Variants in MYO9B observed in about 807,000 individuals in gnomAD.
The protein encoded by MYO9B is myosin IXB, also known as unconventional myosin-IXb.
In MYO9B, 71 loss-of-function variants were observed where a neutral mutation model predicts 229.5. The observed-to-expected ratio is 0.31, with a 90% CI of 0.26 to 0.38. The LOEUF (loss-of-function observed/expected upper bound fraction) is 0.38, where lower values mean the gene tolerates loss of function less well. Among genes scored for constraint, MYO9B ranks in the 10% least tolerant of loss-of-function variants. MYO9B has a pLI of 1.00. For synonymous variants in MYO9B, 1,185 were observed against 1,235.8 expected (o/e 0.96, Z 0.86); for missense variants, 2,255 against 2,920.5 (o/e 0.77, Z 5.25).
At position 17,101,974 on chromosome 19, in the gene MYO9B, A is replaced by G; in HGVS notation, c.257A>G (p.His86Arg). 1 of 1,613,342 alleles carries G rather than the reference A, an allele frequency of 6.2e-7. No homozygotes were observed. The highest frequency in any genetic ancestry group is 8.5e-7 in the Non-Finnish European group (1 of 1,179,848). The part of the protein sequence containing the change: ...WVLDANDSPV[H>R]RVLLWPRRAQ... The stretch of plus-strand genomic sequence containing the variant: ...CTGGACGCCAACGACTCGCCTGTGC[A>G]CCGGGTGCTGCTATGGCCCCGGCGG... Residue 86 changes from histidine to arginine, a missense_variant, in exon 2 of 40, where the codon CAC becomes CGC. Physicochemically the swap from His to Arg is conservative, Grantham distance 29. Transcript: ENST00000682292. This position sits in a 1 kb window ranked among gnomAD's most constrained non-coding sequence, Gnocchi z 4.7.
intron 1 of MYO9B, among the ~76,000 whole-genome samples, chr19:17,081,027 T>C (rs568115470): frequency 2.0e-4 from 29 of 145,324 alleles, no homozygotes; most frequent in Middle Eastern, 3.4e-3. Context: ...TATTTATTTG[T>C]TTATTTATTT....
chr19:17,190,319 C>T (rs1402019304), intron 19 of MYO9B, among the ~76,000 whole-genome samples: 1 of 151,490 alleles, frequency 6.6e-6, no homozygotes, highest in African/African-American at 2.4e-5. Context: ...TCAGCCTCTC[C>T]AGTACATGGG....
chr19:17,089,355 T>C (rs1443078986), intron 1 of MYO9B, among the ~76,000 whole-genome samples: 1 of 152,198 alleles, frequency 6.6e-6, no homozygotes. Flanking sequence ...GCATCCTAAA[T>C]GAGTCTGCTG....
intron 32 of MYO9B, 27 bp downstream of exon 32, chr19:17,206,179 G>T (rs1274140726): frequency 6.2e-7 from 1 of 1,608,252 alleles, no homozygotes; most frequent in Non-Finnish European, 8.5e-7. Flanking sequence ...GGTGGGTGCA[G>T]TGCCAGGCCC....
intron 2 of MYO9B, among the ~76,000 whole-genome samples, chr19:17,119,747 GT>G (rs2057943527): frequency 6.6e-6 from 1 of 152,184 alleles, no homozygotes; most frequent in Non-Finnish European, 1.5e-5. Context: ...CGCCTCCCGG[GT>G]TCATGCCATT....
At chr19:17,158,381 G>A (rs1198573904) in intron 7 of MYO9B, among the ~76,000 whole-genome samples, 4 of 152,094 alleles carry the variant, frequency 2.6e-5, no homozygotes, top group East Asian at 3.9e-4. Context: ...AGACCAGTTC[G>A]AGAACTTCAG....
intron 24 of MYO9B, among the ~76,000 whole-genome samples, chr19:17,199,624 C>T (rs2145484020): frequency 6.6e-6 from 1 of 151,978 alleles, no homozygotes; most frequent in Admixed American, 6.6e-5. Context: ...AGCGATTCTC[C>T]TGCCTCAGCC....
rs553511874 is a variant in MYO9B, at chr19:17,122,801, T to C, written c.840+20244T>C. ...AGGCCATGATGCTGGTAACTTTAAATGACATCATTCAGGGCCAGTTGCAGT... is the reference window on the plus strand; with the variant it reads ...AGGCCATGATGCTGGTAACTTTAAACGACATCATTCAGGGCCAGTTGCAGT... On this transcript the variant is annotated intron_variant, in intron 2 of 39. Coordinates refer to ENST00000682292, the MANE Select transcript of MYO9B (RefSeq NM_004145.4). Among the ~76,000 whole-genome samples, 6 of 152,050 alleles carry C rather than the reference T, an allele frequency of 3.9e-5. No individual in the cohort carries two copies. In the South Asian group the frequency reaches 1.2e-3, roughly 32 times the overall value.
In MYO9B at chr19:17,201,979, C is replaced by T. The variant is rs1276885903; in HGVS notation, c.4617C>T (p.Ala1539=). ...KTPIESLFIE[A]TEKFRSNIKT... ...CCATTGAGAGCTTGTTTATCGAAGC[C>T]ACCGAGAAGTTCAGGAGCAACATCA... is the stretch of plus-strand genomic sequence containing the variant. The change falls in exon 27 of 40, where the codon GCC becomes GCT. Residue 1539 remains alanine, a synonymous_variant. Coordinates refer to ENST00000682292, the MANE Select transcript of MYO9B (RefSeq NM_004145.4). The T allele has an allele frequency of 6.2e-7, 1 of 1,612,966 alleles. No homozygotes were observed. Among genetic ancestry groups the T allele is most frequent in the African/African-American group, 1.3e-5 (1 of 74,806 alleles).
chr19:17,107,559 C>T (rs1239867013), intron 2 of MYO9B, among the ~76,000 whole-genome samples: 1 of 152,232 alleles, frequency 6.6e-6, no homozygotes, highest in Non-Finnish European at 1.5e-5. Flanking sequence ...TTAAGGCTCT[C>T]ATGGTCCTGG....
rs560134456 is a variant in MYO9B, at chr19:17,109,574, G to A, written c.840+7017G>A. On this transcript the variant is annotated intron_variant, in intron 2 of 39. Coordinates refer to ENST00000682292, the MANE Select transcript of MYO9B (RefSeq NM_004145.4). ...CGGGCTGGGAGCCCTCAAACAGCAG[G>A]GGTTGATTCTCTCACAGTTCTGGAG... Among the ~76,000 whole-genome samples, 8 of 152,308 alleles carry A rather than the reference G, an allele frequency of 5.3e-5. No homozygotes were observed. The South Asian group carries it at 1.7e-3, about 32-fold the overall frequency.
In MYO9B at chr19:17,195,773, C is replaced by A. The variant is rs1279312288; in HGVS notation, c.4046+300C>A. ...GTCAAGGTCCCTGCTGCCCAGAAAT[C>A]TTGGGCCTTGGTTTCTAATTGGTGA... is the stretch of plus-strand genomic sequence containing the variant. On this transcript the variant is annotated intron_variant, in intron 22 of 39. Transcript: ENST00000682292. The surrounding 1 kb of genome is among the most constrained non-coding windows in gnomAD (Gnocchi z 4.5). Among the ~76,000 whole-genome samples, 2 of 152,144 alleles carry A rather than the reference C, an allele frequency of 1.3e-5. No individual in the cohort carries two copies. Among genetic ancestry groups the A allele is most frequent in the Non-Finnish European group, 2.9e-5 (2 of 68,026 alleles).
chr19:17,210,745 G>A lies in MYO9B; in HGVS notation c.5827G>A (p.Glu1943Lys). The change falls in exon 38 of 40, where the codon GAG becomes AAG. Residue 1943 changes from glutamate (E) to lysine (K), a missense_variant. Physicochemically the swap from Glu to Lys is moderately conservative, Grantham distance 56. Around this residue, in one of 7 missense-constraint regions of MYO9B, gnomAD observed 331 missense variants for 332.5 expected, o/e 1.00. Transcript: ENST00000682292. Reference protein sequence around the residue: ...NKSPKTRDIQEEELEVLLEEE... With the variant: ...NKSPKTRDIQKEELEVLLEEE... The stretch of plus-strand genomic sequence containing the variant: ...GAGCCCCAAGACCCGGGACATCCAG[G>A]AGGAGGAGCTGGAGGTGCTGCTGGA... 1 of 1,561,936 alleles carries A rather than the reference G, an allele frequency of 6.4e-7. No individual in the cohort carries two copies. Among genetic ancestry groups the A allele is most frequent in the South Asian group, 1.2e-5 (1 of 84,728 alleles).
intron 8 of MYO9B, among the ~76,000 whole-genome samples, chr19:17,161,261 G>T (rs566831753): frequency 6.6e-6 from 1 of 151,936 alleles, no homozygotes; most frequent in South Asian, 2.1e-4. Flanking sequence ...TGGTTGCTCT[G>T]AGGAGCGTAT....
At chr19:17,113,139 A>G (rs775401206) in intron 2 of MYO9B, among the ~76,000 whole-genome samples, 4 of 152,190 alleles carry the variant, frequency 2.6e-5, no homozygotes, top group Admixed American at 6.5e-5. Flanking sequence ...AGTTGTGTCT[A>G]TGTTACATGA....
At position 17,192,998 on chromosome 19, in the gene MYO9B, C is replaced by A; in HGVS notation, c.3064C>A (p.Arg1022=). ...WRGYWQRKLY[R]HQKQSIIRLQ... Reference sequence around the variant, plus strand: ...GGGCTACTGGCAGCGGAAGCTCTACCGGCACCAGAAACAGAGCATCATCCG... The same window carrying A: ...GGGCTACTGGCAGCGGAAGCTCTACAGGCACCAGAAACAGAGCATCATCCG... The change falls in exon 21 of 40, where the codon CGG becomes AGG. Residue 1022 remains arginine, a synonymous_variant. Transcript: ENST00000682292. 2 of 1,507,240 alleles carry A rather than the reference C, an allele frequency of 1.3e-6. No individual in the cohort carries two copies. 93.4% of individuals were successfully genotyped at this position (1,507,240 alleles called of 1,614,324 possible).
At chr19:17,153,513 C>T (rs1216769365) in intron 4 of MYO9B, among the ~76,000 whole-genome samples, 1 of 150,806 alleles carries the variant, frequency 6.6e-6, no homozygotes, top group Non-Finnish European at 1.5e-5. Context: ...ATGGCAAAAT[C>T]CCATCTCTAC....
chr19:17,081,905 A>C (rs1309709014), intron 1 of MYO9B, among the ~76,000 whole-genome samples: 1 of 151,718 alleles, frequency 6.6e-6, no homozygotes, highest in Non-Finnish European at 1.5e-5. Flanking sequence ...CCAGGTCCAC[A>C]AGGCTGCGTG....
intron 11 of MYO9B, among the ~76,000 whole-genome samples, chr19:17,168,853 G>T (rs757380225): frequency 6.6e-5 from 10 of 152,130 alleles, no homozygotes; most frequent in Non-Finnish European, 1.2e-4. Context: ...GATGCTGCTG[G>T]GCTCTGGTCT....
Sources: gnomAD v4.1 joint callset for allele counts (sites outside exome capture counted in the v4.1 genomes callset) on GRCh38, gnomAD v4.1.1 for gene constraint, gnomAD v4.1.1 regional missense constraint, Gnocchi (gnomAD v3.1) non-coding constraint, MANE v1.5 for transcripts, NCBI Gene and HGNC (gene_info 2026-07-23, HGNC 2026-07-21) for gene names.